The following SGCZ variants were observed in gnomAD, a reference collection of about 807,000 sequenced individuals.
SGCZ encodes the protein sarcoglycan zeta, also known as zeta-sarcoglycan.
In SGCZ, 40 loss-of-function variants were observed where a neutral mutation model predicts 41.3. The observed-to-expected ratio is 0.97, with a 90% CI of 0.75 to 1.26. The LOEUF (loss-of-function observed/expected upper bound fraction) is 1.26. Among genes scored for constraint, SGCZ ranks in the 50% most tolerant of loss-of-function variants. The probability of loss-of-function intolerance (pLI) is 0.00; values close to 1 mark genes in which losing one functional copy is unlikely to be tolerated. For missense variants in SGCZ, 552 were observed against 369.8 expected, an observed-to-expected ratio of 1.49 and a Z score of -4.04; for synonymous variants, 206 against 137.5, an observed-to-expected ratio of 1.50 and a Z score of -3.49.
chr8:14,849,046 G>C (rs554761022), intron 1 of SGCZ, among the ~76,000 whole-genome samples: 178 of 152,122 alleles, frequency 1.2e-3, no homozygotes, highest in Admixed American at 2.8e-3. Context: ...ACCAAATAAG[G>C]TATATGGATG....
chr8:14,893,632 T>C (rs1002091428), intron 1 of SGCZ, among the ~76,000 whole-genome samples: 5 of 152,206 alleles, frequency 3.3e-5, no homozygotes, highest in African/African-American at 9.7e-5. Flanking sequence ...TTATAAATAA[T>C]GCTGTCATTT....
At chr8:15,111,789 A>G (rs1257777525) in intron 1 of SGCZ, among the ~76,000 whole-genome samples, 6 of 152,054 alleles carry the variant, frequency 3.9e-5, no homozygotes, top group African/African-American at 1.4e-4. Flanking sequence ...AATCCCAGCT[A>G]CTTGGGAGGC....
chr8:15,218,479 A>T (rs1311417548), intron 1 of SGCZ, among the ~76,000 whole-genome samples: 2 of 152,186 alleles, frequency 1.3e-5, no homozygotes, highest in Non-Finnish European at 2.9e-5. Flanking sequence ...GCAGTTAAGA[A>T]CCTTTGGAGA....
At chr8:14,262,507 T>A (rs980934000) in intron 3 of SGCZ, among the ~76,000 whole-genome samples, 8 of 152,158 alleles carry the variant, frequency 5.3e-5, no homozygotes, top group African/African-American at 1.9e-4. Context: ...AGCCATAGTA[T>A]TTCAAAGCAC....
chr8:14,978,324 T>G (rs925686495), intron 1 of SGCZ, among the ~76,000 whole-genome samples: 7 of 138,174 alleles, frequency 5.1e-5, no homozygotes, highest in Middle Eastern at 3.7e-3. Context: ...AAAAAATTAG[T>G]TGGGCGTGGT....
At chr8:14,485,365 T>A (rs951486603) in intron 2 of SGCZ, among the ~76,000 whole-genome samples, 1 of 152,080 alleles carries the variant, frequency 6.6e-6, no homozygotes, top group African/African-American at 2.4e-5. Flanking sequence ...GCCTCCCGAG[T>A]AGCTGGGATT....
intron 2 of SGCZ, among the ~76,000 whole-genome samples, chr8:14,360,047 G>C (rs1161542106): frequency 6.6e-6 from 1 of 152,044 alleles, no homozygotes; most frequent in African/African-American, 2.4e-5. Flanking sequence ...AAAAGCATTT[G>C]ATAAAATTCA....
At chr8:14,626,271 C>T (rs540191737) in intron 1 of SGCZ, among the ~76,000 whole-genome samples, 60 of 152,172 alleles carry the variant, frequency 3.9e-4, no homozygotes, top group Admixed American at 2.4e-3. Flanking sequence ...TATTAAGCCC[C>T]GCATACATCA....
chr8:14,105,518 G>A (rs370561901), intron 6 of SGCZ, among the ~76,000 whole-genome samples: 1 of 151,998 alleles, frequency 6.6e-6, no homozygotes, highest in Non-Finnish European at 1.5e-5. Flanking sequence ...AAAATTGTCA[G>A]CAAGGCTTGT....
intron 1 of SGCZ, among the ~76,000 whole-genome samples, chr8:14,792,751 G>A (rs550373918): frequency 1.3e-5 from 2 of 151,954 alleles, no homozygotes; most frequent in South Asian, 4.2e-4. Context: ...GCACCTAAAG[G>A]TCCAGGGTTT....
At chr8:15,172,653 G>A (rs2117067638) in intron 1 of SGCZ, among the ~76,000 whole-genome samples, 1 of 152,224 alleles carries the variant, frequency 6.6e-6, no homozygotes, top group Middle Eastern at 3.4e-3. Flanking sequence ...AATATCAAAA[G>A]GAGTGACTTC....
intron 1 of SGCZ, among the ~76,000 whole-genome samples, chr8:15,050,260 G>T (rs1415480101): frequency 6.6e-6 from 1 of 152,140 alleles, no homozygotes; most frequent in Non-Finnish European, 1.5e-5. Flanking sequence ...ACATATGAAA[G>T]TTGAGATTTT....
chr8:14,669,054 G>A (rs1014065238), intron 1 of SGCZ, among the ~76,000 whole-genome samples: 16 of 151,906 alleles, frequency 1.1e-4, no homozygotes, highest in Non-Finnish European at 1.6e-4. Context: ...TCCACAACTG[G>A]CCAGGTGCAG....
intron 4 of SGCZ, among the ~76,000 whole-genome samples, chr8:14,218,558 T>G (rs1390528171): frequency 1.3e-5 from 2 of 152,204 alleles, no homozygotes; most frequent in Non-Finnish European, 2.9e-5. Context: ...TTGTTTAAAT[T>G]TTGTGTGACA....
chr8:14,093,106 T>C (rs17118622), intron 7 of SGCZ, among the ~76,000 whole-genome samples: 43,672 of 151,940 alleles, frequency 0.29, 7,161 homozygotes, highest in East Asian at 0.76. Flanking sequence ...AGCTGTTTCT[T>C]GTTTCCACTG....
At chr8:14,682,433 G>A (rs928098040) in intron 1 of SGCZ, among the ~76,000 whole-genome samples, 9 of 87,072 alleles carry the variant, frequency 1.0e-4, no homozygotes, top group Admixed American at 1.8e-4. Context: ...ACCCTGCAAT[G>A]CAATTTTTTT....
chr8:14,697,458 T>C (rs1809001051), intron 1 of SGCZ, among the ~76,000 whole-genome samples: 1 of 152,056 alleles, frequency 6.6e-6, no homozygotes, highest in Admixed American at 6.6e-5. Context: ...TTACAATACA[T>C]TTGCATACCA....
intron 1 of SGCZ, among the ~76,000 whole-genome samples, chr8:14,992,003 C>T (rs890623717): frequency 1.0e-4 from 15 of 143,482 alleles, no homozygotes; most frequent in African/African-American, 3.9e-4. Context: ...GATATTTACC[C>T]CTCACCCATC....
intron 1 of SGCZ, among the ~76,000 whole-genome samples, chr8:15,170,197 C>T (rs1215847704): frequency 6.6e-6 from 1 of 152,144 alleles, no homozygotes; most frequent in Non-Finnish European, 1.5e-5. Flanking sequence ...TCTGACACAC[C>T]TTGTCTGTGC....
Sources: gnomAD v4.1 joint callset for allele counts (sites outside exome capture counted in the v4.1 genomes callset) on GRCh38, gnomAD v4.1.1 for gene constraint, MANE v1.5 for transcripts, NCBI Gene and HGNC (gene_info 2026-07-23, HGNC 2026-07-21) for gene names.